Variants in WNT7B observed in about 807,000 individuals in gnomAD.
WNT7B encodes the protein Wnt family member 7B.
Under a neutral mutation model 38.2 loss-of-function variants are expected in WNT7B, and 19 were observed. That is an observed-to-expected ratio of 0.50 (90% CI 0.35 to 0.73). WNT7B has a LOEUF of 0.73. Among genes scored for constraint, WNT7B ranks in the 30% least tolerant of loss-of-function variants. The probability of loss-of-function intolerance (pLI) is 0.01; values close to 1 mark genes in which losing one functional copy is unlikely to be tolerated. For synonymous variants in WNT7B, 243 were observed against 209.3 expected, an observed-to-expected ratio of 1.16 and a Z score of -1.39; for missense variants, 423 against 507.9, an observed-to-expected ratio of 0.83 and a Z score of 1.61.
chr22:45,930,959 G>A, intron 3 of WNT7B, 139 bp downstream of exon 3: 1 of 1,204,872 alleles, frequency 8.3e-7, no homozygotes. Context: ...TGCACGTGGA[G>A]GACCCAGACG....
Position 45,966,254 on chromosome 22 carries a change from A to C in WNT7B, c.71+10430T>G, listed in dbSNP as rs1255899466. ...CAGGGCAGGCAGTGCATTCTGGAGGACTTCCCAATTGGAAGGGGCTTTGCC... is the reference window on the plus strand; with the variant it reads ...CAGGGCAGGCAGTGCATTCTGGAGGCCTTCCCAATTGGAAGGGGCTTTGCC... On this transcript the variant is annotated intron_variant, in intron 1 of 3. Coordinates refer to ENST00000339464, the MANE Select transcript of WNT7B (RefSeq NM_058238.3). This position sits in a 1 kb window ranked among gnomAD's most constrained non-coding sequence, Gnocchi z 4.2. Among the ~76,000 whole-genome samples the C allele has an allele frequency of 6.6e-6, 1 of 152,166 alleles. No individual in the cohort carries two copies. Among genetic ancestry groups the C allele is most frequent in the Non-Finnish European group, 1.5e-5 (1 of 68,028 alleles).
chr22:45,947,735 T>C (rs1294834838), intron 2 of WNT7B, among the ~76,000 whole-genome samples: 1 of 152,076 alleles, frequency 6.6e-6, no homozygotes, highest in African/African-American at 2.4e-5. Context: ...CCAAGAGCAG[T>C]AGGGGCGATC....
chr22:45,975,475 G>A lies in WNT7B; in HGVS notation c.71+1209C>T, dbSNP rs544390906. The A allele has an allele frequency of 1.6e-5, 11 of 709,390 alleles. No homozygotes were observed. The highest frequency in any genetic ancestry group is 1.2e-4 in the African/African-American group (7 of 57,144). The allele number at this position is 709,390 out of a possible 1,614,324, so 43.9% of individuals were successfully genotyped here. A position where few individuals can be genotyped will look rare whatever the true frequency, so the allele number is the denominator to read the frequency against. On this transcript the variant is annotated intron_variant, in intron 1 of 3. Coordinates refer to ENST00000339464, the MANE Select transcript of WNT7B (RefSeq NM_058238.3). This position sits in a 1 kb window ranked among gnomAD's most constrained non-coding sequence, Gnocchi z 6.6. ...AGACCTGCAGGGCTCAGGCTAGGAC[G>A]GGGGCTTCCAGTCCTGCCTCTGAAG...
At chr22:45,939,004 G>T (rs1447398849) in intron 2 of WNT7B, among the ~76,000 whole-genome samples, 7 of 152,220 alleles carry the variant, frequency 4.6e-5, no homozygotes, top group African/African-American at 1.2e-4. Context: ...GCAGACAAAA[G>T]ATTCTCAGCA....
intron 3 of WNT7B, chr22:45,927,654 G>C (rs1292220796): frequency 5.8e-5 from 43 of 746,868 alleles, no homozygotes; most frequent in Non-Finnish European, 1.0e-4. Flanking sequence ...CAAGCACTTT[G>C]GGAGGCCGAG....
Position 45,959,535 on chromosome 22 carries a change from G to A in WNT7B, c.72-9389C>T, listed in dbSNP as rs139462028. 5.9e-5 allele frequency among the ~76,000 whole-genome samples: 9 copies of A among 152,216 alleles called. No homozygotes were observed. The East Asian group carries it at 1.2e-3, about 20-fold the overall frequency. ...TGTGCTATGACAAAGATGTGGGCTC[G>A]TGTCCCGAGGAGGCCTGGGAGCCAG... On this transcript the variant is annotated intron_variant, in intron 1 of 3. Coordinates refer to ENST00000339464, the MANE Select transcript of WNT7B (RefSeq NM_058238.3).
intron 1 of WNT7B, among the ~76,000 whole-genome samples, chr22:45,957,552 T>C (rs1601735733): frequency 2.0e-5 from 3 of 151,442 alleles, no homozygotes; most frequent in Admixed American, 6.6e-5. Flanking sequence ...GGCATGGTGG[T>C]GCACGCCTGT....
At chr22:45,971,146 G>T (rs556516994) in intron 1 of WNT7B, among the ~76,000 whole-genome samples, 1 of 150,606 alleles carries the variant, frequency 6.6e-6, no homozygotes, top group Non-Finnish European at 1.5e-5. Flanking sequence ...GACTGCAACC[G>T]CATGGGGGGA....
chr22:45,961,339 T>G (rs1487459048), intron 1 of WNT7B, among the ~76,000 whole-genome samples: 3 of 152,100 alleles, frequency 2.0e-5, no homozygotes, highest in African/African-American at 7.2e-5. Context: ...CAATCACCTC[T>G]CCTTTGGCAA....
chr22:45,954,550 T>C lies in WNT7B; in HGVS notation c.72-4404A>G, dbSNP rs1348578701. 3 of 984,012 alleles carry C rather than the reference T, an allele frequency of 3.0e-6. No individual in the cohort carries two copies. The East Asian group carries it at 3.4e-4, about 112-fold the overall frequency. 61.0% of individuals were successfully genotyped at this position (984,012 alleles called of 1,614,324 possible). A position where few individuals can be genotyped will look rare whatever the true frequency, so the allele number is the denominator to read the frequency against. On this transcript the variant is annotated intron_variant, in intron 1 of 3. Transcript: ENST00000339464. ...CGCCCTGCTTGCCTTCTTGCACGCT[T>C]ATCCGGGGTATGTGGGGCTGACAGA...
chr22:45,956,833 C>A (rs112881484), intron 1 of WNT7B, among the ~76,000 whole-genome samples: 6,839 of 152,234 alleles, frequency 0.045, 519 homozygotes, highest in African/African-American at 0.16. Flanking sequence ...CCCGGCCAGG[C>A]GCGGTGGCTC....
chr22:45,945,105 C>G (rs564039438), intron 2 of WNT7B, among the ~76,000 whole-genome samples: 3 of 151,190 alleles, frequency 2.0e-5, no homozygotes, highest in African/African-American at 7.3e-5. Context: ...TTTTTTGAGA[C>G]GGAGATTCAC....
intron 1 of WNT7B, among the ~76,000 whole-genome samples, chr22:45,963,460 C>T (rs1025717776): frequency 2.0e-5 from 3 of 152,206 alleles, no homozygotes; most frequent in Non-Finnish European, 2.9e-5. Context: ...GGGGCCTTGA[C>T]TGAAGTGGCC....
intron 2 of WNT7B, among the ~76,000 whole-genome samples, chr22:45,943,080 C>T (rs1420710334): frequency 1.3e-5 from 2 of 150,822 alleles, no homozygotes; most frequent in African/African-American, 4.9e-5. Flanking sequence ...CATGTGTGCA[C>T]GTGTGTGCGT....
chr22:45,921,265 C>T lies in WNT7B; in HGVS notation c.*1591G>A, dbSNP rs1368674262. 1 of 152,330 alleles carries T rather than the reference C, an allele frequency of 6.6e-6. No individual in the cohort carries two copies. Among genetic ancestry groups the T allele is most frequent in the African/African-American group, 2.4e-5 (1 of 41,454 alleles). 9.4% of individuals were successfully genotyped at this position (152,330 alleles called of 1,614,324 possible). A position where few individuals can be genotyped will look rare whatever the true frequency, so the allele number is the denominator to read the frequency against. On this transcript the variant is annotated 3_prime_UTR_variant, in exon 4 of 4. Transcript: ENST00000339464. ...TGGGAGCATCCAGAAAGGACATGTC[C>T]AGCTCTGGATCCAGATTTTCTCAGC...
intron 2 of WNT7B, among the ~76,000 whole-genome samples, chr22:45,936,570 C>T (rs1171812364): frequency 6.6e-6 from 1 of 152,272 alleles, no homozygotes; most frequent in Non-Finnish European, 1.5e-5. Flanking sequence ...CCATCCAGCT[C>T]TGCTCCCTTT....
chr22:45,971,547 C>A (rs1452759662), intron 1 of WNT7B, among the ~76,000 whole-genome samples: 1 of 152,196 alleles, frequency 6.6e-6, no homozygotes, highest in Non-Finnish European at 1.5e-5. Context: ...CGAACGCGGC[C>A]GCCAGCACGC....
At chr22:45,967,672 C>T (rs1400567402) in intron 1 of WNT7B, among the ~76,000 whole-genome samples, 1 of 151,972 alleles carries the variant, frequency 6.6e-6, no homozygotes, top group Admixed American at 6.5e-5. Flanking sequence ...CACCCACCTG[C>T]CCTGCCAGGG....
intron 1 of WNT7B, among the ~76,000 whole-genome samples, chr22:45,963,878 C>G (rs1220486114): frequency 1.3e-5 from 2 of 152,294 alleles, no homozygotes; most frequent in Admixed American, 6.5e-5. Flanking sequence ...CACCGCACAC[C>G]CTGCCTGGCT....
Sources: allele counts gnomAD v4.1 joint callset (sites outside exome capture counted in the v4.1 genomes callset), GRCh38; gene constraint gnomAD v4.1.1; non-coding constraint Gnocchi (gnomAD v3.1); transcripts MANE v1.5; gene names NCBI Gene and HGNC (gene_info 2026-07-23, HGNC 2026-07-21).